Variants in RIF1 observed in about 807,000 individuals in gnomAD.
RIF1 encodes telomere-associated protein RIF1.
In RIF1, 45 loss-of-function variants were observed where a neutral mutation model predicts 247.1. That is an observed-to-expected ratio of 0.18 (90% confidence interval 0.14 to 0.23). RIF1 has a LOEUF of 0.23. RIF1 is among the 10% of genes least tolerant of loss of function. RIF1 has a pLI of 1.00. For missense variants in RIF1, 2,967 were observed against 2,862.5 expected (o/e 1.04, Z -0.83); for synonymous variants, 1,087 against 978.8 (o/e 1.11, Z -2.06).
In RIF1 at chr2:151,499,430, G is replaced by A. The variant is rs764635163; in HGVS notation, c.*599G>A. 8 of 1,128,428 alleles carry A rather than the reference G, an allele frequency of 7.1e-6. No individual in the cohort carries two copies. The Admixed American group carries it at 8.0e-5, about 11-fold the overall frequency. The allele number at this position is 1,128,428 out of a possible 1,614,324, so 69.9% of individuals were successfully genotyped here. ...AAAGCATCCAGAAAAAACAAGAGCA[G>A]TCAAAACAGCCCTTTCATCTACCTT... On this transcript the variant is annotated 3_prime_UTR_variant and NMD_transcript_variant, in exon 11 of 14. Transcript: ENST00000454583.
chr2:151,487,082 CAGAA>C (rs1389561620), downstream of RIF1, among the ~76,000 whole-genome samples: 1 of 152,086 alleles, frequency 6.6e-6, no homozygotes, highest in Non-Finnish European at 1.5e-5. Flanking sequence ...TGTGTACTGA[CAGAA>C]AAGACAGAAT....
At chr2:151,532,991 C>T in the RIF1 span, among the ~76,000 whole-genome samples, 1 of 152,104 alleles carries the variant, frequency 6.6e-6, no homozygotes, top group African/African-American at 2.4e-5. Flanking sequence ...TGAATATATA[C>T]AATATTCATA....
chr2:151,444,149 T>C (rs1379931644), intron 18 of RIF1, among the ~76,000 whole-genome samples: 1 of 152,248 alleles, frequency 6.6e-6, no homozygotes, highest in Admixed American at 6.5e-5. Flanking sequence ...ACTTAAATCC[T>C]CAATGTTTAC....
In RIF1 at chr2:151,493,779, C is replaced by T. The variant is rs1456046877; in HGVS notation, c.*416-1450C>T. 7 of 1,567,904 alleles carry T rather than the reference C, an allele frequency of 4.5e-6. No individual in the cohort carries two copies. In the East Asian group the frequency reaches 1.1e-4, roughly 26 times the overall value. On this transcript the variant is annotated intron_variant and NMD_transcript_variant, in intron 9 of 13. Transcript: ENST00000454583. ...TATTTTTCCTTTCTAAAATACCGAG[C>T]TAAAGTTTTCTTGATTGCGTTTCAC...
At chr2:151,411,448 G>A (rs1347883938) in intron 3 of RIF1, 110 bp downstream of exon 3, 1 of 656,338 alleles carries the variant, frequency 1.5e-6, no homozygotes, top group Non-Finnish European at 2.7e-6. Context: ...CCAGGCGAGA[G>A]TGCAATGGCT....
intron 8 of RIF1, 53 bp from the exon 9 acceptor site, chr2:151,428,728 AATT>A (rs1689549076): frequency 2.3e-6 from 3 of 1,332,528 alleles, no homozygotes; most frequent in Admixed American, 1.7e-5. Context: ...GAATGATAGC[AATT>A]ATTCTGTTTC....
Position 151,471,387 on chromosome 2 carries a change from G to A in RIF1, c.7095+1523G>A, listed in dbSNP as rs554326975. ...TCTTTAGTTTAGTTAGATCCCATTTGTCAATTTTGGCTTTTGTTGCCATTG... is the reference window on the plus strand; with the variant it reads ...TCTTTAGTTTAGTTAGATCCCATTTATCAATTTTGGCTTTTGTTGCCATTG... On this transcript the variant is annotated intron_variant, in intron 34 of 35. Coordinates refer to ENST00000444746, the MANE Select transcript of RIF1 (RefSeq NM_018151.5). Among the ~76,000 whole-genome samples, 337 of 152,262 alleles carry A rather than the reference G, an allele frequency of 2.2e-3. 2 individuals carry two copies. The highest frequency in any genetic ancestry group is 7.8e-3 in the African/African-American group (326 of 41,560).
chr2:151,457,916 T>C lies in RIF1; in HGVS notation c.2808T>C (p.Asn936=). The C allele has an allele frequency of 1.2e-6, 2 of 1,613,924 alleles. No individual in the cohort carries two copies. The highest frequency in any genetic ancestry group is 1.3e-5 in the African/African-American group (1 of 75,038). Residue 936 remains asparagine (N), a synonymous_variant, in exon 24 of 36, where the codon AAT becomes AAC. Coordinates refer to ENST00000444746, the MANE Select transcript of RIF1 (RefSeq NM_018151.5). ...GAAAACAGAGTGCTCAGTTCTGGAA[T>C]GCCACTTTTGCCAAAGTGATGATGT... is the stretch of plus-strand genomic sequence containing the variant. ...QIRKQSAQFW[N]ATFAKVMMLV...
the RIF1 span, chr2:151,529,216 G>A: frequency 6.2e-7 from 1 of 1,606,952 alleles, no homozygotes; most frequent in East Asian, 2.2e-5. Context: ...TTACATTGGT[G>A]TTGACTTTGT....
At chr2:151,432,467 CCTGAATCTAA>C (rs1690344742) in intron 9 of RIF1, among the ~76,000 whole-genome samples, 1 of 152,104 alleles carries the variant, frequency 6.6e-6, no homozygotes, top group Non-Finnish European at 1.5e-5. Flanking sequence ...ATAGGGCAGT[CCTGAATCTAA>C]ATGAATCTAT....
At chr2:151,450,224 G>A (rs1694057992) in intron 20 of RIF1, among the ~76,000 whole-genome samples, 2 of 151,960 alleles carry the variant, frequency 1.3e-5, no homozygotes, top group Non-Finnish European at 1.5e-5. Flanking sequence ...TTATGGATAT[G>A]TGTTGCTATT....
chr2:151,462,762 A>G (rs1696387406), intron 29 of RIF1, 122 bp from the exon 30 acceptor site: 5 of 688,728 alleles, frequency 7.3e-6, no homozygotes, highest in Middle Eastern at 6.9e-4. Flanking sequence ...GTTGCCATAT[A>G]TTGAATGTCA....
rs1281628116 is a variant in RIF1, at chr2:151,438,755, T to C, written c.1546+9T>C. 2 of 1,580,326 alleles carry C rather than the reference T, an allele frequency of 1.3e-6. No individual in the cohort carries two copies. Among genetic ancestry groups the C allele is most frequent in the African/African-American group, 1.3e-5 (1 of 74,238 alleles). On this transcript the variant is annotated intron_variant, in intron 14 of 35. Transcript: ENST00000444746. ...GTCAGTTACTGAATCAGGTAAGCAC[T>C]ATTACACTGATCAAATGTTGTTTTT...
At chr2:151,486,497 A>G (rs1053349432), downstream of RIF1, 3 of 153,334 alleles carry the variant, frequency 2.0e-5, no homozygotes, top group African/African-American at 7.2e-5. Context: ...TTCCACTCCT[A>G]GGTGTATACC....
At position 151,446,589 on chromosome 2, in the gene RIF1, G is replaced by A; in HGVS notation, c.2244+14G>A. On this transcript the variant is annotated intron_variant, in intron 20 of 35. Coordinates refer to ENST00000444746, the MANE Select transcript of RIF1 (RefSeq NM_018151.5). ...GAAGGCTTTTCTGTGAGTTTGTCCT[G>A]ATGCTACCTTTTTTTGTTTGTTTTT... is the stretch of plus-strand genomic sequence containing the variant. The A allele has an allele frequency of 1.2e-6, 2 of 1,602,362 alleles. No homozygotes were observed. The highest frequency in any genetic ancestry group is 1.7e-6 in the Non-Finnish European group (2 of 1,177,382).
At chr2:151,423,979 C>G (rs141244546) in intron 8 of RIF1, among the ~76,000 whole-genome samples, 170 of 152,304 alleles carry the variant, frequency 1.1e-3, no homozygotes, top group African/African-American at 4.0e-3. Flanking sequence ...TGCACCCAGA[C>G]ATCACCCTTT....
chr2:151,420,598 G>A (rs928945042), intron 7 of RIF1, among the ~76,000 whole-genome samples: 5 of 152,060 alleles, frequency 3.3e-5, no homozygotes, highest in Admixed American at 1.3e-4. Flanking sequence ...TTAGCTGGGC[G>A]TGGTGGCATG....
chr2:151,529,067 A>G, the RIF1 span: 4 of 672,180 alleles, frequency 6.0e-6, no homozygotes, highest in South Asian at 3.5e-5. Flanking sequence ...TTTTAGCATC[A>G]TTGTTCATGC....
At chr2:151,533,890 G>T in the RIF1 span, among the ~76,000 whole-genome samples, 2 of 152,050 alleles carry the variant, frequency 1.3e-5, no homozygotes, top group East Asian at 3.9e-4. Flanking sequence ...TTTGTTTTTT[G>T]TTGTTGTTTG....
Sources: allele counts gnomAD v4.1 joint callset (sites outside exome capture counted in the v4.1 genomes callset), GRCh38; gene constraint gnomAD v4.1.1; transcripts MANE v1.5; gene names NCBI Gene and HGNC (gene_info 2026-07-23, HGNC 2026-07-21).